Variants in UBR4 observed in about 807,000 individuals in gnomAD.
UBR4 encodes ubiquitin protein ligase E3 component n-recognin 4, also known as E3 ubiquitin-protein ligase UBR4.
UBR4 carries 124 observed loss-of-function variants against 575.6 expected under a neutral mutation model. The observed-to-expected ratio is 0.22, with a 90% CI of 0.19 to 0.25. The LOEUF (loss-of-function observed/expected upper bound fraction) is 0.25, where lower values mean the gene tolerates loss of function less well. UBR4 is among the 10% of genes least tolerant of loss of function. The pLI is 1.00. For missense variants in UBR4, 4,818 were observed against 6,478.8 expected, an observed-to-expected ratio of 0.74 and a Z score of 8.80; for synonymous variants, 2,455 against 2,473.7, an observed-to-expected ratio of 0.99 and a Z score of 0.22.
At chr1:19,147,533 T>C (rs1264528315) in intron 51 of UBR4, among the ~76,000 whole-genome samples, 1 of 152,170 alleles carries the variant, frequency 6.6e-6, no homozygotes, top group East Asian at 1.9e-4. Context: ...TGCCTTTCTT[T>C]TATAAGTGAT....
chr1:19,121,525 C>G (rs2149483639), intron 67 of UBR4, 91 bp from the exon 68 acceptor site: 3 of 1,473,944 alleles, frequency 2.0e-6, no homozygotes, highest in South Asian at 2.7e-5. Flanking sequence ...GCTGAGACTG[C>G]CCTGTTCTCA....
At position 19,124,534 on chromosome 1, in the gene UBR4, C is replaced by A; in HGVS notation, c.9588+7G>T. The stretch of plus-strand genomic sequence containing the variant: ...CAACAAGCATGCAGCTTGGGACTTT[C>A]ACTTACCTCGGAGAGAAAGTAAAAC... On this transcript the variant is annotated splice_region_variant and intron_variant, in intron 65 of 105. Transcript: ENST00000375254. The A allele has an allele frequency of 6.2e-7, 1 of 1,613,856 alleles. No homozygotes were observed. The highest frequency in any genetic ancestry group is 1.1e-5 in the South Asian group (1 of 91,046).
intron 17 of UBR4, among the ~76,000 whole-genome samples, chr1:19,182,343 TA>T (rs2091056015): frequency 1.0e-5 from 1 of 95,798 alleles, no homozygotes; most frequent in African/African-American, 3.7e-5. Flanking sequence ...ATAGTAATTC[TA>T]TTTTTTTTTT....
chr1:19,121,584 T>C (rs1388803638), intron 67 of UBR4, 150 bp from the exon 68 acceptor site: 2 of 1,118,504 alleles, frequency 1.8e-6, no homozygotes, highest in Non-Finnish European at 2.5e-6. Flanking sequence ...GAAGAAGTTA[T>C]ACTTTCTGTG....
At chr1:19,158,337 C>A (rs1049834556) in intron 39 of UBR4, among the ~76,000 whole-genome samples, 1 of 152,160 alleles carries the variant, frequency 6.6e-6, no homozygotes. Flanking sequence ...TTTATGGGCC[C>A]CCAACCCAAG....
At chr1:19,134,669 C>G (rs1286747322) in intron 60 of UBR4, among the ~76,000 whole-genome samples, 1 of 151,966 alleles carries the variant, frequency 6.6e-6, no homozygotes, top group Non-Finnish European at 1.5e-5. Context: ...AGCAAAGGAT[C>G]TTCCTCAAGT....
At chr1:19,122,639 T>A (rs1250235710) in intron 66 of UBR4, among the ~76,000 whole-genome samples, 194 bp downstream of exon 66, 5 of 152,154 alleles carry the variant, frequency 3.3e-5, no homozygotes. Flanking sequence ...GAGGGGGACA[T>A]CCCAGATCCT....
Position 19,169,471 on chromosome 1 carries a change from G to A in UBR4, c.3705C>T (p.Asn1235=). 6.2e-7 allele frequency: 1 copy of A among 1,613,894 alleles called. No homozygotes were observed. The highest frequency in any genetic ancestry group is 8.5e-7 in the Non-Finnish European group (1 of 1,179,944). ...SVQTVCESWN[N]INTNEFPNIG... is the part of the protein sequence containing the mutation. ...TATTGGGAAATTCATTGGTATTGATGTTGTTCCAGGACTCACACACAGTCT... is the reference window on the plus strand; with the variant it reads ...TATTGGGAAATTCATTGGTATTGATATTGTTCCAGGACTCACACACAGTCT... Residue 1235 remains asparagine (N), a synonymous_variant, in exon 27 of 106, where the codon AAC becomes AAT. Transcript: ENST00000375254.
At position 19,092,957 on chromosome 1, in the gene UBR4, G is replaced by A. The variant is rs1007759035; in HGVS notation, c.14112-39C>T. The A allele has an allele frequency of 1.3e-5, 20 of 1,578,196 alleles. No individual in the cohort carries two copies. In the African/African-American group the frequency reaches 2.7e-4, roughly 21 times the overall value. On this transcript the variant is annotated intron_variant, in intron 96 of 105. Coordinates refer to ENST00000375254, the MANE Select transcript of UBR4 (RefSeq NM_020765.3). Reference sequence around the variant, plus strand: ...GAAGGCTTATTAGCAGGCCAGGGAAGCAAAGGCTACCTAGAAACCAGTTGT... The same window carrying A: ...GAAGGCTTATTAGCAGGCCAGGGAAACAAAGGCTACCTAGAAACCAGTTGT...
rs180918339 is a variant in UBR4 at position 19,095,405 on chromosome 1, A to G, written c.13626+140T>C. 5.8e-4 allele frequency: 473 copies of G among 816,520 alleles called. 3 individuals carry two copies. In the African/African-American group the frequency reaches 5.8e-3, roughly 10 times the overall value. The allele number at this position is 816,520 out of a possible 1,614,324, so 50.6% of individuals were successfully genotyped here. ...AGGAGAAGGGCAGCTGAATGACCCA[A>G]GCCTCTGCACCAGTCAGCCAGAGAG... On this transcript the variant is annotated intron_variant, in intron 93 of 105. Transcript: ENST00000375254.
chr1:19,180,295 T>A (rs369112177), intron 17 of UBR4, among the ~76,000 whole-genome samples: 1 of 152,082 alleles, frequency 6.6e-6, no homozygotes, highest in African/African-American at 2.4e-5. Flanking sequence ...TTCAAGCAAT[T>A]CTTGTGCCTC....
rs980980376 is a variant in UBR4, at chr1:19,183,873, C to T, written c.2122G>A (p.Ala708Thr). ...LKGSSDEEFAAALYHFNHSLV... is the reference protein window; with the variant it reads ...LKGSSDEEFATALYHFNHSLV... Reference sequence around the variant, plus strand: ...GAGTGGTTGAAGTGATAGAGAGCTGCAGCAAACTCTTCATCTGATGAACCT... The same window carrying T: ...GAGTGGTTGAAGTGATAGAGAGCTGTAGCAAACTCTTCATCTGATGAACCT... Residue 708 changes from alanine (A) to threonine (T), a missense_variant, in exon 17 of 106, where the codon GCA (alanine) becomes ACA (threonine). Ala to Thr is a moderately conservative substitution (Grantham distance 58). Transcript: ENST00000375254. 4 of 1,614,142 alleles carry T rather than the reference C, an allele frequency of 2.5e-6. No homozygotes were observed. Among genetic ancestry groups the T allele is most frequent in the Non-Finnish European group, 3.4e-6 (4 of 1,180,004 alleles).
intron 68 of UBR4, 130 bp from the exon 69 acceptor site, chr1:19,120,478 T>C: frequency 1.7e-6 from 2 of 1,193,824 alleles, no homozygotes; most frequent in Non-Finnish European, 2.3e-6. Flanking sequence ...AATGCTGATA[T>C]TCTGCAAAAC....
intron 65 of UBR4, among the ~76,000 whole-genome samples, chr1:19,123,459 A>G (rs2081387768): frequency 6.6e-6 from 1 of 151,616 alleles, no homozygotes; most frequent in Admixed American, 6.6e-5. Flanking sequence ...CTTAAAAAAA[A>G]AAAAAAAAAC....
rs140256097 is a variant in UBR4, at chr1:19,157,583, G to A, written c.5760+232C>T. On this transcript the variant is annotated intron_variant, in intron 40 of 105. Coordinates refer to ENST00000375254, the MANE Select transcript of UBR4 (RefSeq NM_020765.3). The surrounding 1 kb of genome is among the most constrained non-coding windows in gnomAD (Gnocchi z 4.4). Reference sequence around the variant, plus strand: ...GAGGGCTTTGAAGAATACGTTTTGAGTGGAAATTTACTAATTAGGAACAGT... The same window carrying A: ...GAGGGCTTTGAAGAATACGTTTTGAATGGAAATTTACTAATTAGGAACAGT... 6.6e-6 allele frequency among the ~76,000 whole-genome samples: 1 copy of A among 152,332 alleles called. No individual in the cohort carries two copies. Among genetic ancestry groups the A allele is most frequent in the African/African-American group, 2.4e-5 (1 of 41,576 alleles).
intron 103 of UBR4, chr1:19,081,091 G>C (rs1314956129): frequency 2.4e-6 from 1 of 413,138 alleles, no homozygotes; most frequent in South Asian, 5.0e-5. Context: ...GTGCCTGGCT[G>C]CCTTCCTAAC....
At chr1:19,103,841 G>A (rs1402620841) in intron 87 of UBR4, among the ~76,000 whole-genome samples, 1 of 152,212 alleles carries the variant, frequency 6.6e-6, no homozygotes, top group Non-Finnish European at 1.5e-5. Context: ...ACCAATGAGA[G>A]AGCCTTTGAC....
intron 24 of UBR4, 38 bp downstream of exon 24, chr1:19,173,143 A>T (rs749342660): frequency 1.5e-5 from 25 of 1,613,830 alleles, no homozygotes; most frequent in Middle Eastern, 3.3e-4. Flanking sequence ...GCTATGGTAG[A>T]AACCAAGTTC....
intron 90 of UBR4, among the ~76,000 whole-genome samples, chr1:19,097,784 C>T (rs970305066): frequency 1.3e-5 from 2 of 152,098 alleles, no homozygotes; most frequent in African/African-American, 2.4e-5. Flanking sequence ...ACTCAAGCCT[C>T]GGGAATCAAA....
Sources: gnomAD v4.1 joint callset for allele counts (sites outside exome capture counted in the v4.1 genomes callset) on GRCh38, gnomAD v4.1.1 for gene constraint, Gnocchi (gnomAD v3.1) non-coding constraint, MANE v1.5 for transcripts, NCBI Gene and HGNC (gene_info 2026-07-23, HGNC 2026-07-21) for gene names.